LRRC4C: variants seen among roughly 807,000 people sequenced by gnomAD.
The protein encoded by LRRC4C is leucine rich repeat containing 4C.
LRRC4C carries 5 observed loss-of-function variants against 33.6 expected under a neutral mutation model. The observed-to-expected ratio is 0.15, with a 90% CI of 0.08 to 0.31. The LOEUF is 0.31. LRRC4C is among the 10% of genes least tolerant of loss of function. The pLI is 1.00. For missense variants in LRRC4C, 560 were observed against 796.7 expected (o/e 0.70, Z 3.58); for synonymous variants, 329 against 302.0 (o/e 1.09, Z -0.93).
chr11:40,419,295 G>A (rs753145577), intron 3 of LRRC4C, among the ~76,000 whole-genome samples: 3 of 151,974 alleles, frequency 2.0e-5, no homozygotes, highest in African/African-American at 4.8e-5. Flanking sequence ...AGAAAATAAC[G>A]GCTGGAAATT....
At chr11:41,212,229 C>T (rs1297551108) in intron 1 of LRRC4C, among the ~76,000 whole-genome samples, 2 of 152,006 alleles carry the variant, frequency 1.3e-5, no homozygotes, top group Non-Finnish European at 2.9e-5. Flanking sequence ...TCCCAGTGAG[C>T]TATATAATGT....
intron 1 of LRRC4C, among the ~76,000 whole-genome samples, chr11:41,349,527 C>G (rs561444589): frequency 2.6e-5 from 4 of 152,052 alleles, no homozygotes; most frequent in Admixed American, 6.6e-5. Flanking sequence ...CCTCAGGGTT[C>G]GAGCACACAG....
intron 6 of LRRC4C, among the ~76,000 whole-genome samples, chr11:40,117,541 C>G (rs1410073237): frequency 6.6e-6 from 1 of 152,160 alleles, no homozygotes; most frequent in Non-Finnish European, 1.5e-5. Context: ...TCTCCTGCAT[C>G]TCTTGTGGCC....
intron 1 of LRRC4C, among the ~76,000 whole-genome samples, chr11:41,320,932 A>G (rs1373467035): frequency 6.6e-6 from 1 of 152,106 alleles, no homozygotes; most frequent in Admixed American, 6.6e-5. Flanking sequence ...AGCAACTCTG[A>G]ACTCCAAGAG....
chr11:40,559,691 C>G (rs1309362555), intron 3 of LRRC4C, among the ~76,000 whole-genome samples: 1 of 152,060 alleles, frequency 6.6e-6, no homozygotes, highest in Non-Finnish European at 1.5e-5. Context: ...TTGTTTTTGA[C>G]TTTTTAATAG....
chr11:40,225,930 A>G (rs957679906), intron 5 of LRRC4C, among the ~76,000 whole-genome samples: 4 of 152,090 alleles, frequency 2.6e-5, no homozygotes, highest in Non-Finnish European at 5.9e-5. Context: ...ATATTTCCCA[A>G]TTCTTACTGA....
At chr11:41,232,680 T>C (rs78338153) in intron 1 of LRRC4C, among the ~76,000 whole-genome samples, 5,921 of 151,952 alleles carry the variant, frequency 0.039, 384 homozygotes, top group African/African-American at 0.13. Context: ...AATTCACTTA[T>C]GAATTATACT....
chr11:40,471,106 A>C (rs1197979989), intron 3 of LRRC4C, among the ~76,000 whole-genome samples: 1 of 152,150 alleles, frequency 6.6e-6, no homozygotes, highest in Non-Finnish European at 1.5e-5. Context: ...GGCTGAAATG[A>C]AGGAAAAAAT....
At chr11:40,396,688 T>C (rs888640486) in intron 3 of LRRC4C, among the ~76,000 whole-genome samples, 11 of 152,156 alleles carry the variant, frequency 7.2e-5, no homozygotes, top group Non-Finnish European at 2.9e-5. Context: ...CTTATCCTTT[T>C]CTTTTAAATA....
intron 2 of LRRC4C, among the ~76,000 whole-genome samples, chr11:40,718,279 T>A (rs577226694): frequency 6.6e-6 from 1 of 152,248 alleles, no homozygotes; most frequent in Admixed American, 6.5e-5. Flanking sequence ...ACAGGCATCT[T>A]GTGTGTAGAA....
chr11:40,287,801 G>C (rs968758323), intron 4 of LRRC4C, among the ~76,000 whole-genome samples: 2 of 152,100 alleles, frequency 1.3e-5, no homozygotes, highest in Admixed American at 1.3e-4. Flanking sequence ...AATCTTTACT[G>C]ACGAAATGGC....
chr11:40,116,338 C>T lies in LRRC4C; in HGVS notation c.-42-4G>A, dbSNP rs768882034. 1.4e-5 allele frequency: 22 copies of T among 1,525,950 alleles called. No homozygotes were observed. The highest frequency in any genetic ancestry group is 1.9e-5 in the Non-Finnish European group (22 of 1,138,486). 94.5% of individuals were successfully genotyped at this position (1,525,950 alleles called of 1,614,324 possible). On this transcript the variant is annotated splice_region_variant and splice_polypyrimidine_tract_variant and intron_variant, in intron 6 of 6. Coordinates refer to ENST00000528697, the MANE Select transcript of LRRC4C (RefSeq NM_001258419.2). ...GTCCTTCTGGAATTCAAACAGTCTG[C>T]AAAATACAAGCAAAAAAAACCAATT...
At chr11:41,389,228 T>C (rs1456675423) in intron 1 of LRRC4C, among the ~76,000 whole-genome samples, 1 of 151,812 alleles carries the variant, frequency 6.6e-6, no homozygotes, top group African/African-American at 2.4e-5. Flanking sequence ...CATATACATG[T>C]AGGTCCCACA....
At chr11:40,211,175 T>C (rs1009052443) in intron 5 of LRRC4C, among the ~76,000 whole-genome samples, 2 of 152,232 alleles carry the variant, frequency 1.3e-5, no homozygotes, top group Non-Finnish European at 2.9e-5. Flanking sequence ...AATTATATTA[T>C]AGATTTCATT....
At chr11:40,246,542 A>G (rs2136138886) in intron 4 of LRRC4C, among the ~76,000 whole-genome samples, 1 of 152,286 alleles carries the variant, frequency 6.6e-6, no homozygotes, top group Non-Finnish European at 1.5e-5. Flanking sequence ...CTCATCTTCT[A>G]TTAGCGGCAG....
At chr11:40,942,620 A>G (rs1292163128) in intron 1 of LRRC4C, among the ~76,000 whole-genome samples, 1 of 152,098 alleles carries the variant, frequency 6.6e-6, no homozygotes, top group African/African-American at 2.4e-5. Flanking sequence ...TGGGATTCAG[A>G]TTGGGAAGAG....
At chr11:40,916,707 TAAATAA>T (rs1309231077) in intron 2 of LRRC4C, among the ~76,000 whole-genome samples, 11 of 150,966 alleles carry the variant, frequency 7.3e-5, no homozygotes, top group African/African-American at 1.5e-4. Context: ...TAAAAATAAA[TAAATAA>T]AAATAAAAAT....
intron 3 of LRRC4C, among the ~76,000 whole-genome samples, chr11:40,627,309 A>G (rs1963048366): frequency 6.6e-6 from 1 of 151,652 alleles, no homozygotes; most frequent in South Asian, 2.1e-4. Context: ...GTCAGTCATC[A>G]TTAATTAAAT....
chr11:41,058,915 G>A (rs943473562), intron 1 of LRRC4C, among the ~76,000 whole-genome samples: 1 of 152,172 alleles, frequency 6.6e-6, no homozygotes, highest in African/African-American at 2.4e-5. Context: ...GAATGTGAAT[G>A]AAGCTGAAGG....
Sources: allele counts gnomAD v4.1 joint callset (sites outside exome capture counted in the v4.1 genomes callset), GRCh38; gene constraint gnomAD v4.1.1; transcripts MANE v1.5; gene names NCBI Gene and HGNC (gene_info 2026-07-23, HGNC 2026-07-21).